CCDC102B: variants seen among roughly 807,000 people sequenced by gnomAD.
CCDC102B encodes the protein coiled-coil domain containing 102B, also known as coiled-coil domain-containing protein 102B.
Under a neutral mutation model 57.4 loss-of-function variants are expected in CCDC102B, and 75 were observed. The ratio of observed to expected loss-of-function variants is 1.31; its 90% CI spans 1.08 to 1.58. CCDC102B has a LOEUF of 1.58. CCDC102B is among the 40% of genes most tolerant of loss of function. The probability of loss-of-function intolerance (pLI) is 0.00; values close to 1 mark genes in which losing one functional copy is unlikely to be tolerated. For missense variants in CCDC102B, 636 were observed against 582.6 expected, an observed-to-expected ratio of 1.09 and a Z score of -0.94; for synonymous variants, 206 against 201.9, an observed-to-expected ratio of 1.02 and a Z score of -0.17.
At chr18:68,874,913 T>A in intron 5 of CCDC102B, 128 bp downstream of exon 5, 1 of 618,068 alleles carries the variant, frequency 1.6e-6, no homozygotes, top group Admixed American at 2.5e-5. Flanking sequence ...CTGCTGCTAA[T>A]GTAATCAGCT....
In CCDC102B at chr18:69,030,577, C is replaced by A. The variant is rs529052462; in HGVS notation, c.1434+19473C>A. The stretch of plus-strand genomic sequence containing the variant: ...TCTTTTCTTGTTCTTTGAACTTCCA[C>A]AAGAATATGGTCAATAATTATGTTT... On this transcript the variant is annotated intron_variant, in intron 7 of 7. Coordinates refer to ENST00000360242, the MANE Select transcript of CCDC102B (RefSeq NM_024781.3). 2.6e-5 allele frequency among the ~76,000 whole-genome samples: 4 copies of A among 152,278 alleles called. No homozygotes were observed. The East Asian group carries it at 5.8e-4, about 22-fold the overall frequency.
At chr18:69,038,153 A>G (rs528002740) in intron 7 of CCDC102B, among the ~76,000 whole-genome samples, 1 of 152,020 alleles carries the variant, frequency 6.6e-6, no homozygotes, top group South Asian at 2.1e-4. Flanking sequence ...AATGTCATAA[A>G]TTATACATAG....
intron 6 of CCDC102B, among the ~76,000 whole-genome samples, chr18:68,903,118 G>A (rs1056067883): frequency 3.9e-5 from 6 of 152,138 alleles, no homozygotes; most frequent in African/African-American, 1.4e-4. Context: ...TAGAAGTCAG[G>A]ATGAATGGAT....
At chr18:69,010,867 A>G in intron 6 of CCDC102B, 67 bp from the exon 7 acceptor site, 1 of 1,156,304 alleles carries the variant, frequency 8.6e-7, no homozygotes. Context: ...TGTCAAAAGA[A>G]GTTGCCATTC....
In CCDC102B at chr18:68,836,719, C is replaced by T. The variant is rs765567022; in HGVS notation, c.-15-30C>T. On this transcript the variant is annotated intron_variant, in intron 1 of 7. Transcript: ENST00000360242. ...CCTGTATTTACAAGGGAAATTTCAGCGTGAAATTATGGTCTCTATCTTTTC... is the reference window on the plus strand; with the variant it reads ...CCTGTATTTACAAGGGAAATTTCAGTGTGAAATTATGGTCTCTATCTTTTC... 56 of 1,519,046 alleles carry T rather than the reference C, an allele frequency of 3.7e-5. No individual in the cohort carries two copies. In the African/African-American group the frequency reaches 4.0e-4, roughly 11 times the overall value. The allele number at this position is 1,519,046 out of a possible 1,614,324, so 94.1% of individuals were successfully genotyped here.
At chr18:69,016,522 A>G (rs1434248748) in intron 7 of CCDC102B, among the ~76,000 whole-genome samples, 3 of 152,198 alleles carry the variant, frequency 2.0e-5, no homozygotes, top group Non-Finnish European at 4.4e-5. Context: ...AATCAAGTCA[A>G]TTATCACCCT....
At chr18:68,787,060 G>A (rs1205449101) in intron 2 of CCDC102B, among the ~76,000 whole-genome samples, 2 of 149,318 alleles carry the variant, frequency 1.3e-5, no homozygotes, top group Non-Finnish European at 3.0e-5. Context: ...TTTGTCAAAG[G>A]CCTTTTCTGC....
chr18:68,788,752 C>T (rs2035311004), intron 2 of CCDC102B, among the ~76,000 whole-genome samples: 2 of 151,246 alleles, frequency 1.3e-5, no homozygotes, highest in South Asian at 4.2e-4. Flanking sequence ...TTCCTGAATA[C>T]AGCACACTGA....
intron 1 of CCDC102B, among the ~76,000 whole-genome samples, chr18:68,831,882 C>T (rs1384225080): frequency 6.6e-6 from 1 of 152,022 alleles, no homozygotes; most frequent in Non-Finnish European, 1.5e-5. Flanking sequence ...CATTTTCATA[C>T]TCATCATTTG....
At chr18:68,889,777 A>T (rs2040011836) in intron 5 of CCDC102B, among the ~76,000 whole-genome samples, 1 of 152,120 alleles carries the variant, frequency 6.6e-6, no homozygotes, top group Non-Finnish European at 1.5e-5. Flanking sequence ...CTATAGTATG[A>T]TGTTATAGCA....
intron 4 of CCDC102B, among the ~76,000 whole-genome samples, chr18:68,860,781 A>AC (rs34734816): frequency 0.4 from 26,287 of 65,256 alleles, 6,933 homozygotes; most frequent in Middle Eastern, 0.54. Flanking sequence ...AGCACTTACC[A>AC]TTTATAGCAC....
chr18:68,964,870 A>AT (rs1014092226), intron 6 of CCDC102B, among the ~76,000 whole-genome samples: 72 of 151,704 alleles, frequency 4.7e-4, no homozygotes, highest in Admixed American at 1.1e-3. Flanking sequence ...CTGAACTGAC[A>AT]TTTTTTTCCC....
intron 1 of CCDC102B, chr18:68,823,525 G>A (rs975678666): frequency 3.3e-5 from 5 of 152,196 alleles, no homozygotes; most frequent in African/African-American, 1.2e-4. Context: ...GAGTGCACGT[G>A]TCTTTTTGGC....
At chr18:68,803,809 G>A (rs761774767) in intron 1 of CCDC102B, among the ~76,000 whole-genome samples, 1 of 147,930 alleles carries the variant, frequency 6.8e-6, no homozygotes, top group Non-Finnish European at 1.5e-5. Context: ...CCAACTGTAG[G>A]AGCCTCAGGT....
intron 2 of CCDC102B, chr18:68,753,036 T>C (rs2033921099): frequency 6.6e-6 from 1 of 152,132 alleles, no homozygotes; most frequent in Non-Finnish European, 1.5e-5. Flanking sequence ...ATTTTCCCTC[T>C]GCTTGTTCTG....
In CCDC102B at chr18:68,783,821, G is replaced by A. The variant is rs560806181; in HGVS notation, c.-66-39545G>A. Among the ~76,000 whole-genome samples the A allele has an allele frequency of 5.5e-4, 83 of 152,232 alleles. 1 individual carries two copies. The highest frequency in any genetic ancestry group is 1.9e-3 in the African/African-American group (77 of 41,532). On this transcript the variant is annotated intron_variant, in intron 2 of 3. Transcript: ENST00000578970. Reference sequence around the variant, plus strand: ...CAATACTTTTATGTTATGGGAAATAGGAGAGGAAACATACTATACGGAGCC... The same window carrying A: ...CAATACTTTTATGTTATGGGAAATAAGAGAGGAAACATACTATACGGAGCC...
At chr18:68,941,553 A>T (rs1324702596) in intron 6 of CCDC102B, among the ~76,000 whole-genome samples, 1 of 152,096 alleles carries the variant, frequency 6.6e-6, no homozygotes, top group African/African-American at 2.4e-5. Context: ...AGGTGGCAAA[A>T]CTTCTTCACT....
chr18:68,946,281 C>T (rs755052144), intron 6 of CCDC102B, among the ~76,000 whole-genome samples: 4 of 152,116 alleles, frequency 2.6e-5, no homozygotes, highest in South Asian at 2.1e-4. Context: ...CTTAGCAACA[C>T]GTATTCATAT....
At chr18:69,006,547 A>G (rs866615793) in intron 6 of CCDC102B, among the ~76,000 whole-genome samples, 1 of 150,692 alleles carries the variant, frequency 6.6e-6, no homozygotes, top group Non-Finnish European at 1.5e-5. Context: ...TCAGCCTCCA[A>G]AGTAGTTGGG....
Sources: gnomAD v4.1 joint callset for allele counts (sites outside exome capture counted in the v4.1 genomes callset) on GRCh38, gnomAD v4.1.1 for gene constraint, MANE v1.5 for transcripts, NCBI Gene and HGNC (gene_info 2026-07-23, HGNC 2026-07-21) for gene names.